NUTF2: variants seen among roughly 807,000 people sequenced by gnomAD.
NUTF2 encodes the protein placental protein 15.
A neutral mutation model predicts 18.5 loss-of-function variants in NUTF2; 3 were observed. The observed-to-expected ratio is 0.16, with a 90% CI of 0.07 to 0.42. NUTF2 has a LOEUF of 0.42. NUTF2 is among the 10% of genes least tolerant of loss of function. The pLI, the probability that NUTF2 is intolerant of heterozygous loss-of-function variation, is 0.99. For missense variants in NUTF2, 44 were observed against 160.7 expected (o/e 0.27, Z 3.93); for synonymous variants, 51 against 57.9 (o/e 0.88, Z 0.54).
chr16:67,866,605 A>C (rs766209829), intron 2 of NUTF2, among the ~76,000 whole-genome samples: 1 of 152,084 alleles, frequency 6.6e-6, no homozygotes, highest in Non-Finnish European at 1.5e-5. Context: ...ATCTGGGACT[A>C]CAGGCACGTG....
chr16:67,867,665 T>C (rs2057982560), intron 2 of NUTF2, among the ~76,000 whole-genome samples: 1 of 152,088 alleles, frequency 6.6e-6, no homozygotes, highest in South Asian at 2.1e-4. Context: ...GGGTGATGAA[T>C]GTGGAATTTT....
chr16:67,855,893 G>GA lies in NUTF2; in HGVS notation c.-30+8908_-30+8909insA, dbSNP rs201435435. 1.8e-3 allele frequency: 802 copies of GA among 447,478 alleles called. 29 individuals are homozygous for GA. The highest frequency in any genetic ancestry group is 0.015 in the African/African-American group (724 of 47,890). The allele number at this position is 447,478 out of a possible 1,614,324, so 27.7% of individuals were successfully genotyped here. On this transcript the variant is annotated intron_variant, in intron 1 of 4. Transcript: ENST00000219169. ...CCACCCGATTTTTTTTTGGCGGGGGGGGGGGATGGGGGAAATGAGAATAAC... is the reference window on the plus strand; with the variant it reads ...CCACCCGATTTTTTTTTGGCGGGGGGAGGGGGATGGGGGAAATGAGAATAAC...
At chr16:67,852,979 G>A (rs988889812) in intron 1 of NUTF2, among the ~76,000 whole-genome samples, 4 of 151,988 alleles carry the variant, frequency 2.6e-5, no homozygotes, top group African/African-American at 4.8e-5. Context: ...CACCGCTCCC[G>A]GCCCTTTTTT....
At chr16:67,863,624 G>C (rs1419115490) in intron 1 of NUTF2, among the ~76,000 whole-genome samples, 1 of 152,198 alleles carries the variant, frequency 6.6e-6, no homozygotes, top group East Asian at 1.9e-4. Flanking sequence ...TAGTGGAGGA[G>C]GCTGAGGCCC....
At chr16:67,865,326 G>A (rs1165196236) in intron 2 of NUTF2, 97 bp downstream of exon 2, 7 of 821,800 alleles carry the variant, frequency 8.5e-6, no homozygotes, top group Non-Finnish European at 1.2e-5. Flanking sequence ...GCCCTATCTG[G>A]ACTGGCTACA....
chr16:67,859,347 T>C (rs1286626078), intron 1 of NUTF2, among the ~76,000 whole-genome samples: 2 of 76,812 alleles, frequency 2.6e-5, no homozygotes, highest in East Asian at 4.9e-4. Flanking sequence ...ACCCAGCTGA[T>C]GATTTTTTTT....
At chr16:67,864,643 C>T (rs1289481100) in intron 1 of NUTF2, among the ~76,000 whole-genome samples, 1 of 152,026 alleles carries the variant, frequency 6.6e-6, no homozygotes, top group Admixed American at 6.6e-5. Context: ...ATAGTACACA[C>T]ACACAGGTAT....
intron 1 of NUTF2, among the ~76,000 whole-genome samples, chr16:67,856,735 C>G (rs2057900571): frequency 6.6e-6 from 1 of 150,778 alleles, no homozygotes; most frequent in African/African-American, 2.4e-5. Context: ...GTCTCAAACT[C>G]CTGACCTTAG....
chr16:67,848,173 G>A (rs1237979404), intron 1 of NUTF2, among the ~76,000 whole-genome samples: 2 of 152,296 alleles, frequency 1.3e-5, no homozygotes, highest in Non-Finnish European at 1.5e-5. Context: ...TTGTAAAGGC[G>A]CTTCTGATTG....
chr16:67,870,126 C>G (rs1319975938), intron 4 of NUTF2: 1 of 152,274 alleles, frequency 6.6e-6, no homozygotes, highest in Non-Finnish European at 1.5e-5. Context: ...CTTTCTCAGG[C>G]AAAGGTAGTA....
chr16:67,865,616 T>G lies in NUTF2; in HGVS notation c.99+387T>G, dbSNP rs116186335. On this transcript the variant is annotated intron_variant, in intron 2 of 4. Transcript: ENST00000219169. ...GGAGGCCTGGGGTCCAGCTTCCTTT[T>G]GGATCCAAGGCTCCTGAATGCTCAT... is the stretch of plus-strand genomic sequence containing the variant. Among the ~76,000 whole-genome samples, 950 of 152,234 alleles carry G rather than the reference T, an allele frequency of 6.2e-3. 5 individuals carry two copies. The highest frequency in any genetic ancestry group is 0.021 in the African/African-American group (887 of 41,538).
At chr16:67,855,890 G>GGT in intron 1 of NUTF2, 3 of 397,032 alleles carry the variant, frequency 7.6e-6, no homozygotes, top group African/African-American at 2.2e-5. Context: ...TTTTTGGCGG[G>GGT]GGGGGGGGAT....
intron 1 of NUTF2, among the ~76,000 whole-genome samples, chr16:67,851,207 GTGCGGTGGCTCA>G (rs201868101): frequency 0.015 from 2,346 of 152,196 alleles, 34 homozygotes; most frequent in Middle Eastern, 0.12. Context: ...AATAGGCAGG[GTGCGGTGGCTCA>G]TGCCTGTAAT....
At chr16:67,850,182 C>T (rs2057842357) in intron 1 of NUTF2, among the ~76,000 whole-genome samples, 1 of 151,378 alleles carries the variant, frequency 6.6e-6, no homozygotes, top group African/African-American at 2.4e-5. Flanking sequence ...CCTCTCATTC[C>T]AACCTCTAGA....
chr16:67,864,943 G>A (rs1419794997), intron 1 of NUTF2, among the ~76,000 whole-genome samples, 159 bp from the exon 2 acceptor site: 4 of 152,136 alleles, frequency 2.6e-5, no homozygotes, highest in African/African-American at 7.2e-5. Flanking sequence ...TCTGGCTTGG[G>A]AGGGGTCTCC....
chr16:67,862,712 GGA>G (rs992806286), intron 1 of NUTF2, among the ~76,000 whole-genome samples: 22 of 152,148 alleles, frequency 1.4e-4, no homozygotes, highest in African/African-American at 4.6e-4. Flanking sequence ...GTGCTTGCCT[GGA>G]GTCTCAGCTC....
Position 67,870,823 on chromosome 16 carries a change from G to A in NUTF2, c.294G>A (p.Gly98=). The A allele has an allele frequency of 6.2e-7, 1 of 1,613,740 alleles. No homozygotes were observed. The highest frequency in any genetic ancestry group is 8.5e-7 in the Non-Finnish European group (1 of 1,179,640). ...AGGCGGATGAAGACCCCATCATGGG[G>A]TTCCACCAGATGTTCCTATTAAAGA... is the stretch of plus-strand genomic sequence containing the variant. ...QLKADEDPIM[G]FHQMFLLKNI... is the part of the protein sequence containing the mutation. Residue 98 remains glycine (G), a synonymous_variant, in exon 5 of 5, where the codon GGG becomes GGA. Coordinates refer to ENST00000219169, the MANE Select transcript of NUTF2 (RefSeq NM_005796.3).
chr16:67,852,853 A>ATTTT (rs2057870124), intron 1 of NUTF2, among the ~76,000 whole-genome samples: 1 of 150,706 alleles, frequency 6.6e-6, no homozygotes. Flanking sequence ...CTAATTTTGT[A>ATTTT]TTTTTAGTAG....
chr16:67,859,604 C>T (rs186353323), intron 1 of NUTF2, among the ~76,000 whole-genome samples: 7 of 152,024 alleles, frequency 4.6e-5, no homozygotes, highest in Admixed American at 2.6e-4. Context: ...GTGATCCACC[C>T]GCCTCAGCCT....
Sources: gnomAD v4.1 joint callset for allele counts (sites outside exome capture counted in the v4.1 genomes callset) on GRCh38, gnomAD v4.1.1 for gene constraint, MANE v1.5 for transcripts, NCBI Gene and HGNC (gene_info 2026-07-23, HGNC 2026-07-21) for gene names.